The following FAM184B variants were observed in gnomAD, a reference collection of about 807,000 sequenced individuals.
The protein encoded by FAM184B is family with sequence similarity 184 member B, also known as protein FAM184B.
In FAM184B, 111 loss-of-function variants were observed where a neutral mutation model predicts 135.9. That is an observed-to-expected ratio of 0.82 (90% CI 0.70 to 0.96). The LOEUF (loss-of-function observed/expected upper bound fraction) is 0.96. Among genes scored for constraint, FAM184B ranks in the 40% least tolerant of loss-of-function variants. FAM184B has a pLI of 0.00. For missense variants in FAM184B, 1,375 were observed against 1,323.9 expected (o/e 1.04, Z -0.60); for synonymous variants, 552 against 524.8 (o/e 1.05, Z -0.71).
At position 17,709,303 on chromosome 4, in the gene FAM184B, C is replaced by T. The variant is rs1015428564; in HGVS notation, c.483G>A (p.Arg161=). 10 of 1,549,568 alleles carry T rather than the reference C, an allele frequency of 6.5e-6. No individual in the cohort carries two copies. The highest frequency in any genetic ancestry group is 5.5e-5 in the African/African-American group (4 of 73,142). The change falls in exon 2 of 18, where the codon AGG becomes AGA. Residue 161 remains arginine, a synonymous_variant. Coordinates refer to ENST00000265018, the MANE Select transcript of FAM184B (RefSeq NM_015688.2). ...CCTCGTGGCTCGTCAGGTGCTGGAG[C>T]CTCCTCTCGTAGTCAGCCTTGAGCT... ...MLELKADYER[R]LQHLTSHEAT...
At position 17,738,806 on chromosome 4, in the gene FAM184B, C is replaced by T. The variant is rs551627878; in HGVS notation, c.142-29162G>A. ...ATGAATGGATTAATACCCCAGGTGG[C>T]GGGCACAGTGAGTTTTCACTCTATT... On this transcript the variant is annotated intron_variant, in intron 1 of 17. Transcript: ENST00000265018. Among the ~76,000 whole-genome samples the T allele has an allele frequency of 5.9e-5, 9 of 152,170 alleles. No homozygotes were observed. In the South Asian group the frequency reaches 6.2e-4, roughly 11 times the overall value.
rs756027784 is a variant in FAM184B, at chr4:17,630,563, T to C, written c.*1969A>G. The stretch of plus-strand genomic sequence containing the variant: ...ACATATTTCTATTGTTTATAAATTA[T>C]CCAGTATAAGTAAGATATTTTGTTA... On this transcript the variant is annotated 3_prime_UTR_variant, in exon 18 of 18. Transcript: ENST00000265018. The C allele has an allele frequency of 1.3e-5, 2 of 152,210 alleles. No individual in the cohort carries two copies. The highest frequency in any genetic ancestry group is 1.9e-4 in the East Asian group (1 of 5,200). The allele number at this position is 152,210 out of a possible 1,614,324, so 9.4% of individuals were successfully genotyped here.
At chr4:17,777,108 A>T (rs2109000134) in intron 1 of FAM184B, among the ~76,000 whole-genome samples, 1 of 152,348 alleles carries the variant, frequency 6.6e-6, no homozygotes, top group East Asian at 1.9e-4. Context: ...TAGAAACTCA[A>T]ATGTCCATCA....
At chr4:17,718,712 T>C (rs913383563) in intron 1 of FAM184B, among the ~76,000 whole-genome samples, 1 of 152,230 alleles carries the variant, frequency 6.6e-6, no homozygotes, top group African/African-American at 2.4e-5. Context: ...GAAAAGCCTG[T>C]GCTGGGTACC....
intron 1 of FAM184B, among the ~76,000 whole-genome samples, chr4:17,777,941 T>A (rs534961937): frequency 2.5e-4 from 38 of 152,150 alleles, no homozygotes; most frequent in African/African-American, 6.0e-4. Context: ...CTACAAAAAA[T>A]TTTTTAAAAA....
chr4:17,768,959 A>T (rs1032483124), intron 1 of FAM184B, among the ~76,000 whole-genome samples: 2 of 151,996 alleles, frequency 1.3e-5, no homozygotes, highest in Non-Finnish European at 2.9e-5. Flanking sequence ...ATGCGCCACC[A>T]CGTCTGGCTA....
chr4:17,770,159 C>T (rs1249924045), intron 1 of FAM184B, among the ~76,000 whole-genome samples: 3 of 152,230 alleles, frequency 2.0e-5, no homozygotes, highest in African/African-American at 7.2e-5. Flanking sequence ...AATACATTTT[C>T]TTCTAAGTGA....
chr4:17,639,292 G>A lies in FAM184B; in HGVS notation c.2624C>T (p.Ala875Val), dbSNP rs1364637939. The part of the protein sequence containing the change: ...MQAMVADFSS[A>V]QAQLQARLAA... ...CAGCCGGGCCTGGAGCTGGGCCTGG[G>A]CACTACTGAAATCTGCCACCATGGC... Residue 875 changes from alanine to valine, a missense_variant, in exon 14 of 18, where the codon GCC becomes GTC. Transcript: ENST00000265018. The A allele has an allele frequency of 5.8e-6, 9 of 1,551,694 alleles. No individual in the cohort carries two copies. The highest frequency in any genetic ancestry group is 7.8e-6 in the Non-Finnish European group (9 of 1,146,986).
In FAM184B at chr4:17,709,508, T is replaced by A; in HGVS notation, c.278A>T (p.Glu93Val). The A allele has an allele frequency of 1.3e-6, 2 of 1,550,862 alleles. No individual in the cohort carries two copies. Among genetic ancestry groups the A allele is most frequent in the Non-Finnish European group, 1.7e-6 (2 of 1,146,792 alleles). The change falls in exon 2 of 18, where the codon GAG (glutamate) becomes GTG (valine). Residue 93 changes from glutamate (E) to valine (V), a missense_variant. By Grantham distance (121) the Glu-to-Val change is moderately radical. Coordinates refer to ENST00000265018, the MANE Select transcript of FAM184B (RefSeq NM_015688.2). ...GATGCGCTGTAGAAGGGCTTCCTCCTCTGCGCAGCCCTGTTCCTGCAGGAG... is the reference window on the plus strand; with the variant it reads ...GATGCGCTGTAGAAGGGCTTCCTCCACTGCGCAGCCCTGTTCCTGCAGGAG... ...ARLLQEQGCA[E>V]EEALLQRIQA... is the part of the protein sequence containing the mutation.
chr4:17,760,869 C>T (rs1222149705), intron 1 of FAM184B, among the ~76,000 whole-genome samples: 1 of 152,172 alleles, frequency 6.6e-6, no homozygotes, highest in African/African-American at 2.4e-5. Flanking sequence ...TCAGTTGAGT[C>T]GTGCTGTAGA....
chr4:17,663,665 C>A (rs1226617805), intron 8 of FAM184B, among the ~76,000 whole-genome samples: 1 of 151,154 alleles, frequency 6.6e-6, no homozygotes. Context: ...TGTGACAGAG[C>A]AATAACACCT....
At chr4:17,691,671 G>C (rs1174403490) in intron 6 of FAM184B, among the ~76,000 whole-genome samples, 3 of 134,130 alleles carry the variant, frequency 2.2e-5, no homozygotes, top group Non-Finnish European at 3.1e-5. Context: ...GGGCGATAGA[G>C]TGAGATTCCA....
At chr4:17,650,499 T>C (rs1387729665) in intron 11 of FAM184B, among the ~76,000 whole-genome samples, 1 of 152,066 alleles carries the variant, frequency 6.6e-6, no homozygotes, top group East Asian at 1.9e-4. Flanking sequence ...ATTCTTTTCT[T>C]TGGGGAAGAA....
At chr4:17,653,931 G>GAGA (rs1560168678) in intron 10 of FAM184B, among the ~76,000 whole-genome samples, 8 of 1,584 alleles carry the variant, frequency 5.1e-3, no homozygotes, top group East Asian at 0.033. Context: ...GGAGGGGGAG[G>GAGA]GGGATTTGAA....
In FAM184B at chr4:17,629,561, TCA is replaced by T. The variant is rs1434821851; in HGVS notation, c.*2969_*2970del. 1 of 152,216 alleles carries T rather than the reference TCA, an allele frequency of 6.6e-6. No individual in the cohort carries two copies. The highest frequency in any genetic ancestry group is 2.4e-5 in the African/African-American group (1 of 41,454). 9.4% of individuals were successfully genotyped at this position (152,216 alleles called of 1,614,324 possible). On this transcript the variant is annotated 3_prime_UTR_variant, in exon 18 of 18. Coordinates refer to ENST00000265018, the MANE Select transcript of FAM184B (RefSeq NM_015688.2). The stretch of plus-strand genomic sequence containing the variant: ...TCATGTGGAACAGATAGTATTCCTT[TCA>T]GTTTTGCTGCAGGAACATATTAACT...
At chr4:17,642,320 C>T (rs1715347165) in intron 12 of FAM184B, 92 bp from the exon 13 acceptor site, 2 of 1,378,268 alleles carry the variant, frequency 1.5e-6, no homozygotes, top group African/African-American at 3.1e-5. Flanking sequence ...AGATGGAGAC[C>T]CACTGGCACC....
rs1394249864 is a variant in FAM184B at position 17,755,570 on chromosome 4, A to G, written c.141+25589T>C. Among the ~76,000 whole-genome samples the G allele has an allele frequency of 2.0e-5, 3 of 152,232 alleles. No homozygotes were observed. In the East Asian group the frequency reaches 5.8e-4, roughly 29 times the overall value. The stretch of plus-strand genomic sequence containing the variant: ...ATCCCATTAATGGGTATATACCTAA[A>G]GGAATATAAGTCATTTTATTATAAA... On this transcript the variant is annotated intron_variant, in intron 1 of 17. Transcript: ENST00000265018.
At chr4:17,679,059 C>T (rs1716381227) in intron 7 of FAM184B, among the ~76,000 whole-genome samples, 1 of 152,034 alleles carries the variant, frequency 6.6e-6, no homozygotes, top group Non-Finnish European at 1.5e-5. Context: ...AATCTAAGAC[C>T]CAAAACCATA....
intron 13 of FAM184B, among the ~76,000 whole-genome samples, chr4:17,640,930 T>A (rs1175886084): frequency 6.6e-6 from 1 of 151,956 alleles, no homozygotes; most frequent in Non-Finnish European, 1.5e-5. Context: ...CCAGGTTTTT[T>A]GTTTTGTTTG....
Sources: allele counts gnomAD v4.1 joint callset (sites outside exome capture counted in the v4.1 genomes callset), GRCh38; gene constraint gnomAD v4.1.1; transcripts MANE v1.5; gene names NCBI Gene and HGNC (gene_info 2026-07-23, HGNC 2026-07-21).